The following PCDHA4 variants were observed in gnomAD, a reference collection of about 807,000 sequenced individuals.
PCDHA4 encodes protocadherin alpha-4.
In PCDHA4, 49 loss-of-function variants were observed where a neutral mutation model predicts 61.4. The ratio of observed to expected loss-of-function variants is 0.80; its 90% CI spans 0.63 to 1.01. PCDHA4 has a LOEUF of 1.01. Among genes scored for constraint, PCDHA4 ranks in the 50% least tolerant of loss-of-function variants. The pLI is 0.00. For missense variants in PCDHA4, 1,254 were observed against 1,235.8 expected (o/e 1.01, Z -0.22); for synonymous variants, 590 against 550.3 (o/e 1.07, Z -1.01).
chr5:140,982,089 C>A (rs2096965506), intron 2 of PCDHA4, among the ~76,000 whole-genome samples: 1 of 152,220 alleles, frequency 6.6e-6, no homozygotes, highest in Non-Finnish European at 1.5e-5. Context: ...AACCTAGGAA[C>A]AAGAGAACCT....
chr5:140,916,367 C>G (rs1400347792), intron 1 of PCDHA4, among the ~76,000 whole-genome samples: 1 of 152,196 alleles, frequency 6.6e-6, no homozygotes, highest in Non-Finnish European at 1.5e-5. Flanking sequence ...GAGTCTTTCA[C>G]TGTAGCCACC....
At chr5:140,967,589 T>C (rs782348275) in intron 1 of PCDHA4, 20 of 1,613,912 alleles carry the variant, frequency 1.2e-5, no homozygotes, top group African/African-American at 1.2e-4. Context: ...CCCAGGCACA[T>C]TGGTGGTGAA....
In PCDHA4 at chr5:140,935,762, C is replaced by T. The variant is rs187194530; in HGVS notation, c.2386-43187C>T. Among the ~76,000 whole-genome samples the T allele has an allele frequency of 2.5e-3, 386 of 152,162 alleles. 3 individuals are homozygous for T. The highest frequency in any genetic ancestry group is 0.018 in the South Asian group (87 of 4,822). On this transcript the variant is annotated intron_variant, in intron 1 of 3. Transcript: ENST00000530339. ...TTATTCCATACAATACACATTCTTC[C>T]CCACTTTGAGTTTTTTCACTTAAAA... is the stretch of plus-strand genomic sequence containing the variant.
rs1469484046 is a variant in PCDHA4 at position 141,010,169 on chromosome 5, C to G, written c.*232C>G. ...CTCCACTCTGGCTTGTTTTCAGAAC[C>G]TAAAAAGCAGACCCAAGTTTCCTTT... On this transcript the variant is annotated 3_prime_UTR_variant, in exon 4 of 4. Coordinates refer to ENST00000530339, the MANE Select transcript of PCDHA4 (RefSeq NM_018907.4). 6.4e-7 allele frequency: 1 copy of G among 1,560,124 alleles called. No homozygotes were observed. The highest frequency in any genetic ancestry group is 8.7e-7 in the Non-Finnish European group (1 of 1,151,276).
chr5:140,941,201 TCC>T lies in PCDHA4; in HGVS notation c.2386-37747_2386-37746del, dbSNP rs1554213890. On this transcript the variant is annotated intron_variant, in intron 1 of 3. Coordinates refer to ENST00000530339, the MANE Select transcript of PCDHA4 (RefSeq NM_018907.4). The stretch of plus-strand genomic sequence containing the variant: ...ATCCTGCTTCTTTTTTTTTCTTTCT[TCC>T]TTTCTTTCTTCCTTTCTTTCTTTCT... 4.9e-3 allele frequency among the ~76,000 whole-genome samples: 512 copies of T among 103,578 alleles called. 4 individuals are homozygous for T. The highest frequency in any genetic ancestry group is 7.0e-3 in the African/African-American group (178 of 25,432). 68.0% of individuals were successfully genotyped at this position (103,578 alleles called of 152,430 possible). A position where few individuals can be genotyped will look rare whatever the true frequency, so the allele number is the denominator to read the frequency against.
At chr5:140,817,446 A>G (rs1170449909) in intron 1 of PCDHA4, 1 of 152,218 alleles carries the variant, frequency 6.6e-6, no homozygotes, top group Non-Finnish European at 1.5e-5. Flanking sequence ...GGATTCCTAT[A>G]ACAGCATCTT....
chr5:140,996,678 G>T (rs922990686), intron 3 of PCDHA4, among the ~76,000 whole-genome samples: 28 of 152,162 alleles, frequency 1.8e-4, no homozygotes, highest in African/African-American at 6.7e-4. Context: ...AACCATGTTG[G>T]GCTAGTATTC....
At chr5:140,834,629 C>A (rs2150222976) in intron 1 of PCDHA4, 3 of 1,614,154 alleles carry the variant, frequency 1.9e-6, no homozygotes, top group Non-Finnish European at 2.5e-6. Flanking sequence ...TGCAGAATGG[C>A]ATTTTGTTTG....
intron 1 of PCDHA4, among the ~76,000 whole-genome samples, chr5:140,832,941 C>T (rs1455354845): frequency 6.6e-6 from 1 of 152,044 alleles, no homozygotes; most frequent in Non-Finnish European, 1.5e-5. Flanking sequence ...AAGAGAGTAA[C>T]TTAAGTGAGT....
intron 3 of PCDHA4, among the ~76,000 whole-genome samples, chr5:140,990,421 G>A (rs374181612): frequency 2.6e-5 from 4 of 152,190 alleles, no homozygotes; most frequent in Non-Finnish European, 5.9e-5. Flanking sequence ...CTTTCAACCA[G>A]CATTGACCCA....
chr5:140,910,127 C>T (rs1323587900), intron 1 of PCDHA4, among the ~76,000 whole-genome samples: 5 of 152,202 alleles, frequency 3.3e-5, no homozygotes, highest in African/African-American at 1.2e-4. Context: ...GGTCTGTAAA[C>T]TGGTTTAAGT....
intron 1 of PCDHA4, chr5:140,850,351 G>A (rs2150480754): frequency 6.3e-7 from 1 of 1,597,916 alleles, no homozygotes; most frequent in Non-Finnish European, 8.6e-7. Flanking sequence ...GCCAGCGCGA[G>A]CATCCCGTTC....
chr5:140,966,452 C>T, intron 1 of PCDHA4: 1 of 425,890 alleles, frequency 2.3e-6, no homozygotes, highest in South Asian at 9.0e-5. Flanking sequence ...TTTCCCCCTC[C>T]CCCTCTGTCT....
Position 140,850,277 on chromosome 5 carries a change from G to T in PCDHA4, c.2385+40705G>T, listed in dbSNP as rs1554144125. On this transcript the variant is annotated intron_variant, in intron 1 of 3. Coordinates refer to ENST00000530339, the MANE Select transcript of PCDHA4 (RefSeq NM_018907.4). ...GCGCCGGCGTAGTGGTGGGGAAGGT[G>T]CGCGCAGTGGACGCCGACTCGGGCT... is the stretch of plus-strand genomic sequence containing the variant. 2.5e-6 allele frequency: 4 copies of T among 1,595,522 alleles called. No homozygotes were observed. In the East Asian group the frequency reaches 8.9e-5, roughly 36 times the overall value.
Position 140,946,631 on chromosome 5 carries a change from T to TATATATATATATATACAC in PCDHA4, c.2386-32317_2386-32316insTATATATATATATACACA, listed in dbSNP as rs57893927. 8.0e-4 allele frequency among the ~76,000 whole-genome samples: 106 copies of TATATATATATATATACAC among 131,838 alleles called. 2 individuals carry two copies. The East Asian group carries it at 0.018, about 23-fold the overall frequency. 86.5% of individuals were successfully genotyped at this position (131,838 alleles called of 152,430 possible). A position where few individuals can be genotyped will look rare whatever the true frequency, so the allele number is the denominator to read the frequency against. On this transcript the variant is annotated intron_variant, in intron 1 of 3. Transcript: ENST00000530339. ...TGTGAAATATATATATATATATATA[T>TATATATATATATATACAC]ACAATGGAATACTCATCAGCCATTA...
Position 141,009,742 on chromosome 5 carries a change from C to A in PCDHA4, c.2649C>A (p.Asp883Glu). 6.2e-7 allele frequency: 1 copy of A among 1,614,160 alleles called. No individual in the cohort carries two copies. Among genetic ancestry groups the A allele is most frequent in the Non-Finnish European group, 8.5e-7 (1 of 1,180,038 alleles). The part of the protein sequence containing the change: ...PKQSGPGELP[D>E]KFIIPGSPAI... ...AATCCGGTCCCGGTGAGTTGCCCGA[C>A]AAATTCATTATCCCAGGATCTCCTG... is the stretch of plus-strand genomic sequence containing the variant. The change falls in exon 4 of 4, where the codon GAC becomes GAA. Residue 883 changes from aspartate to glutamate, a missense_variant. By Grantham distance (45) the Asp-to-Glu change is conservative. Coordinates refer to ENST00000530339, the MANE Select transcript of PCDHA4 (RefSeq NM_018907.4).
intron 1 of PCDHA4, among the ~76,000 whole-genome samples, chr5:140,938,340 T>A (rs1210571018): frequency 6.6e-6 from 1 of 152,224 alleles, no homozygotes; most frequent in Non-Finnish European, 1.5e-5. Flanking sequence ...TAATGGATAA[T>A]CTTGTCTTAT....
intron 1 of PCDHA4, chr5:140,966,319 G>T: frequency 2.6e-6 from 1 of 388,824 alleles, no homozygotes; most frequent in Admixed American, 4.5e-5. Context: ...CCTGCGGTCC[G>T]CTGGGATCCG....
At chr5:140,891,888 T>C (rs1562860973) in intron 1 of PCDHA4, among the ~76,000 whole-genome samples, 1 of 152,212 alleles carries the variant, frequency 6.6e-6, no homozygotes, top group Non-Finnish European at 1.5e-5. Context: ...CATGTGACGA[T>C]GCAGCAAGAA....
Sources: gnomAD v4.1 joint callset for allele counts (sites outside exome capture counted in the v4.1 genomes callset) on GRCh38, gnomAD v4.1.1 for gene constraint, MANE v1.5 for transcripts, NCBI Gene and HGNC (gene_info 2026-07-23, HGNC 2026-07-21) for gene names.